PIK3C2G: variants seen among roughly 807,000 people sequenced by gnomAD.
The protein encoded by PIK3C2G is phosphatidylinositol 3-kinase C2 domain-containing subunit gamma.
PIK3C2G carries 168 observed loss-of-function variants against 181.1 expected under a neutral mutation model. That is an observed-to-expected ratio of 0.93 (90% CI 0.82 to 1.05). The LOEUF (loss-of-function observed/expected upper bound fraction) is 1.05. Among genes scored for constraint, PIK3C2G ranks in the 50% least tolerant of loss-of-function variants. The probability of loss-of-function intolerance (pLI) is 0.00; values close to 1 mark genes in which losing one functional copy is unlikely to be tolerated. For synonymous variants in PIK3C2G, 573 were observed against 592.2 expected (o/e 0.97, Z 0.47); for missense variants, 1,869 against 1,732.8 (o/e 1.08, Z -1.40).
At chr12:18,686,577 T>C in the PIK3C2G span, among the ~76,000 whole-genome samples, 35 of 152,202 alleles carry the variant, frequency 2.3e-4, no homozygotes, top group Non-Finnish European at 3.7e-4. Context: ...TTATGGCTTC[T>C]GCCTTAAATG....
intron 8 of PIK3C2G, among the ~76,000 whole-genome samples, chr12:18,329,660 A>G (rs1937714593): frequency 6.6e-6 from 1 of 151,944 alleles, no homozygotes; most frequent in Non-Finnish European, 1.5e-5. Flanking sequence ...ACTTCAATTT[A>G]TCTATCCCAC....
At chr12:18,408,799 G>T (rs1944689757) in intron 16 of PIK3C2G, among the ~76,000 whole-genome samples, 1 of 152,160 alleles carries the variant, frequency 6.6e-6, no homozygotes, top group South Asian at 2.1e-4. Flanking sequence ...ATGAAAAAAA[G>T]CTTATCATAA....
chr12:18,322,347 A>T (rs2137472034), intron 7 of PIK3C2G, among the ~76,000 whole-genome samples: 1 of 151,604 alleles, frequency 6.6e-6, no homozygotes, highest in East Asian at 1.9e-4. Flanking sequence ...ACGCCACTGT[A>T]CTCCAGCTTG....
chr12:18,461,616 A>C (rs1215508181), intron 18 of PIK3C2G, among the ~76,000 whole-genome samples: 1 of 152,198 alleles, frequency 6.6e-6, no homozygotes, highest in African/African-American at 2.4e-5. Flanking sequence ...CTGTATTCTA[A>C]CTTGGTTTGT....
At chr12:18,688,581 A>C in the PIK3C2G span, among the ~76,000 whole-genome samples, 5 of 151,852 alleles carry the variant, frequency 3.3e-5, no homozygotes, top group Non-Finnish European at 5.9e-5. Context: ...TGCTGGAAAA[A>C]ATTTAAAGCA....
intron 1 of PIK3C2G, among the ~76,000 whole-genome samples, chr12:18,256,144 A>C (rs796984488): frequency 2.0e-5 from 3 of 152,270 alleles, no homozygotes; most frequent in African/African-American, 7.2e-5. Context: ...AGAACTAGAA[A>C]ATATTCTCTC....
intron 15 of PIK3C2G, among the ~76,000 whole-genome samples, chr12:18,395,665 A>G (rs1202341247): frequency 2.0e-5 from 3 of 151,142 alleles, no homozygotes; most frequent in Non-Finnish European, 4.4e-5. Flanking sequence ...AAGAAAAATG[A>G]ATCACAATGT....
At chr12:18,549,216 T>A (rs1394666338) in intron 26 of PIK3C2G, among the ~76,000 whole-genome samples, 1 of 152,078 alleles carries the variant, frequency 6.6e-6, no homozygotes, top group Non-Finnish European at 1.5e-5. Context: ...AATTACATAC[T>A]GTCTTGTATA....
At position 18,449,913 on chromosome 12, in the gene PIK3C2G, A is replaced by T. The variant is rs144198170; in HGVS notation, c.2504+25874A>T. 2.6e-5 allele frequency among the ~76,000 whole-genome samples: 4 copies of T among 152,246 alleles called. No homozygotes were observed. The East Asian group carries it at 7.8e-4, about 30-fold the overall frequency. Reference sequence around the variant, plus strand: ...TACACTCCACCAACAGTGTAAAAGCATTCCTATTTCTCCACATCCTCGACA... The same window carrying T: ...TACACTCCACCAACAGTGTAAAAGCTTTCCTATTTCTCCACATCCTCGACA... On this transcript the variant is annotated intron_variant, in intron 18 of 32. Coordinates refer to ENST00000538779, the MANE Select transcript of PIK3C2G (RefSeq NM_001288772.2).
intron 26 of PIK3C2G, among the ~76,000 whole-genome samples, chr12:18,554,733 A>T (rs1157087230): frequency 6.6e-6 from 1 of 152,090 alleles, no homozygotes; most frequent in African/African-American, 2.4e-5. Flanking sequence ...TCATAAGCTT[A>T]AGTAAAAGAA....
At chr12:18,502,505 C>G (rs1456999599) in intron 22 of PIK3C2G, among the ~76,000 whole-genome samples, 1 of 152,018 alleles carries the variant, frequency 6.6e-6, no homozygotes, top group Non-Finnish European at 1.5e-5. Context: ...CTGTACTTTG[C>G]GGGTTGTTTT....
chr12:18,432,037 AG>A (rs1448415183), intron 18 of PIK3C2G, among the ~76,000 whole-genome samples: 1 of 152,216 alleles, frequency 6.6e-6, no homozygotes, highest in Non-Finnish European at 1.5e-5. Context: ...GGCATAATAC[AG>A]GAACAGTTGT....
downstream of PIK3C2G, among the ~76,000 whole-genome samples, chr12:18,650,331 C>CTCTATATA (rs1555163997): frequency 5.4e-5 from 5 of 91,984 alleles, no homozygotes; most frequent in Admixed American, 1.2e-4. Flanking sequence ...CTCTCTCTCT[C>CTCTATATA]TATATATATA....
chr12:18,420,442 A>G (rs952041508), intron 16 of PIK3C2G, among the ~76,000 whole-genome samples: 8 of 152,164 alleles, frequency 5.3e-5, no homozygotes, highest in African/African-American at 1.9e-4. Context: ...TTCACAGTCT[A>G]CTAGTAAGAT....
chr12:18,627,537 T>A (rs1949157763), intron 31 of PIK3C2G, among the ~76,000 whole-genome samples: 1 of 152,140 alleles, frequency 6.6e-6, no homozygotes, highest in Non-Finnish European at 1.5e-5. Flanking sequence ...GATAGACCTG[T>A]GGATGGGTGC....
chr12:18,725,863 C>A, the PIK3C2G span, among the ~76,000 whole-genome samples: 1 of 152,088 alleles, frequency 6.6e-6, no homozygotes, highest in African/African-American at 2.4e-5. Context: ...AAGTGTCACC[C>A]ACTCTAGAAA....
intron 1 of PIK3C2G, among the ~76,000 whole-genome samples, chr12:18,277,161 T>C (rs1266504664): frequency 6.6e-6 from 1 of 152,198 alleles, no homozygotes; most frequent in African/African-American, 2.4e-5. Flanking sequence ...TATCTATCTA[T>C]CTACCTATCT....
chr12:18,390,638 G>A (rs1943474873), intron 14 of PIK3C2G, among the ~76,000 whole-genome samples: 1 of 152,066 alleles, frequency 6.6e-6, no homozygotes, highest in Non-Finnish European at 1.5e-5. Context: ...TCACTCATGT[G>A]TACATAATGA....
chr12:18,268,110 G>T (rs1948586325), intron 1 of PIK3C2G, among the ~76,000 whole-genome samples: 1 of 152,092 alleles, frequency 6.6e-6, no homozygotes, highest in South Asian at 2.1e-4. Flanking sequence ...TTCAGGCTGG[G>T]ATATTTATTC....
Sources: allele counts gnomAD v4.1 joint callset (sites outside exome capture counted in the v4.1 genomes callset), GRCh38; gene constraint gnomAD v4.1.1; transcripts MANE v1.5; gene names NCBI Gene and HGNC (gene_info 2026-07-23, HGNC 2026-07-21).